The following CFAP20DC variants were observed in gnomAD, a reference collection of about 807,000 sequenced individuals.
The protein encoded by CFAP20DC is CFAP20 domain containing.
A neutral mutation model predicts 101.7 loss-of-function variants in CFAP20DC; 84 were observed. The ratio of observed to expected loss-of-function variants is 0.83; its 90% CI spans 0.69 to 0.99. The LOEUF is 0.99. Among genes scored for constraint, CFAP20DC ranks in the 50% least tolerant of loss-of-function variants. The pLI is 0.00. For missense variants in CFAP20DC, 1,007 were observed against 970.3 expected (o/e 1.04, Z -0.50); for synonymous variants, 359 against 351.2 (o/e 1.02, Z -0.25).
Position 59,049,805 on chromosome 3 carries a change from C to T in CFAP20DC, c.-174G>A. The T allele has an allele frequency of 1.4e-6, 1 of 704,982 alleles. No homozygotes were observed. The highest frequency in any genetic ancestry group is 2.3e-6 in the Non-Finnish European group (1 of 432,210). 43.7% of individuals were successfully genotyped at this position (704,982 alleles called of 1,614,324 possible). A position where few individuals can be genotyped will look rare whatever the true frequency, so the allele number is the denominator to read the frequency against. On this transcript the variant is annotated 5_prime_UTR_variant, in exon 1 of 17. An upstream open reading frame in the 5' UTR loses its in-frame stop. Coordinates refer to ENST00000482387, the MANE Select transcript of CFAP20DC (RefSeq NM_001394063.1). The stretch of plus-strand genomic sequence containing the variant: ...CTTCTCAGCCCCTCCGGCCCCTGGT[C>T]AGCTCCATCTCCCGCCCTCCATCAG...
chr3:58,990,999 G>T (rs2092919762), intron 4 of CFAP20DC, among the ~76,000 whole-genome samples: 1 of 151,978 alleles, frequency 6.6e-6, no homozygotes, highest in African/African-American at 2.4e-5. Context: ...CTTGATAACT[G>T]AAAATATTCT....
rs2093318392 is a variant in CFAP20DC at position 59,001,760 on chromosome 3, G to C, written c.278+37797C>G. 6.6e-6 allele frequency among the ~76,000 whole-genome samples: 1 copy of C among 152,026 alleles called. No individual in the cohort carries two copies. The highest frequency in any genetic ancestry group is 6.6e-5 in the Admixed American group (1 of 15,266). Reference sequence around the variant, plus strand: ...GCACAGACAACCTTTTTCTAATCTCGCAAAAGCAGGGAATTAGCCAGGCAG... The same window carrying C: ...GCACAGACAACCTTTTTCTAATCTCCCAAAAGCAGGGAATTAGCCAGGCAG... On this transcript the variant is annotated intron_variant, in intron 4 of 16. Transcript: ENST00000482387. The surrounding 1 kb of genome is among the most constrained non-coding windows in gnomAD (Gnocchi z 4.5).
At chr3:58,942,503 C>G (rs2088750485) in intron 4 of CFAP20DC, among the ~76,000 whole-genome samples, 1 of 152,140 alleles carries the variant, frequency 6.6e-6, no homozygotes, top group Non-Finnish European at 1.5e-5. Context: ...CCAAAGGAAG[C>G]CGTGAGGGAC....
chr3:58,824,906 C>T (rs915337493), intron 14 of CFAP20DC, among the ~76,000 whole-genome samples: 2 of 151,678 alleles, frequency 1.3e-5, no homozygotes, highest in African/African-American at 4.8e-5. Flanking sequence ...TAAAATCCTC[C>T]TGCCTTAGCC....
chr3:59,030,806 T>C (rs947867787), intron 4 of CFAP20DC, among the ~76,000 whole-genome samples: 1 of 151,310 alleles, frequency 6.6e-6, no homozygotes, highest in African/African-American at 2.4e-5. Context: ...AAGCTTTAAG[T>C]TTTTTTTTGT....
intron 4 of CFAP20DC, among the ~76,000 whole-genome samples, chr3:58,974,837 T>A (rs565811700): frequency 1.2e-4 from 19 of 152,114 alleles, no homozygotes; most frequent in Non-Finnish European, 2.4e-4. Flanking sequence ...GAATATGTTA[T>A]CCAGCCCGCC....
chr3:58,719,892 C>T (rs1007177400), intron 3 of CFAP20DC, among the ~76,000 whole-genome samples: 3 of 152,246 alleles, frequency 2.0e-5, no homozygotes, highest in Non-Finnish European at 4.4e-5. Context: ...CTCTGGCTTT[C>T]CCCTGTCCTC....
rs904303123 is a variant in CFAP20DC, at chr3:58,913,165, G to A, written c.550+543C>T. On this transcript the variant is annotated intron_variant, in intron 6 of 16. Transcript: ENST00000482387. The surrounding 1 kb of genome is among the most constrained non-coding windows in gnomAD (Gnocchi z 4.4). ...AGGGAAGAAAACATCCTACTTTCAG[G>A]GGCTGCTGTAACAGAAATTATGGAA... Among the ~76,000 whole-genome samples, 1 of 152,092 alleles carries A rather than the reference G, an allele frequency of 6.6e-6. No homozygotes were observed. Among genetic ancestry groups the A allele is most frequent in the African/African-American group, 2.4e-5 (1 of 41,418 alleles).
intron 16 of CFAP20DC, among the ~76,000 whole-genome samples, chr3:58,744,498 T>C (rs1467557554): frequency 4.6e-5 from 7 of 152,020 alleles, no homozygotes; most frequent in African/African-American, 1.7e-4. Flanking sequence ...ATAAGTCAGG[T>C]TTGGAAACAA....
intron 4 of CFAP20DC, among the ~76,000 whole-genome samples, chr3:58,942,815 G>T (rs1183905527): frequency 1.3e-5 from 2 of 152,194 alleles, no homozygotes; most frequent in African/African-American, 2.4e-5. Flanking sequence ...AGCAAGCTAA[G>T]ATCCACTGAT....
rs9831138 is a variant in CFAP20DC, at chr3:58,899,015, C to G, written c.551-14306G>C. On this transcript the variant is annotated intron_variant, in intron 6 of 16. Coordinates refer to ENST00000482387, the MANE Select transcript of CFAP20DC (RefSeq NM_001394063.1). This position sits in a 1 kb window ranked among gnomAD's most constrained non-coding sequence, Gnocchi z 5.0. ...GTCTTTTCCCATACCAAGGTTACCA[C>G]CAGTGAAGGCCATGAAACAGCAAAA... 0.053 allele frequency among the ~76,000 whole-genome samples: 8,101 copies of G among 152,110 alleles called. 706 individuals carry two copies. Among genetic ancestry groups the G allele is most frequent in the African/African-American group, 0.18 (7,646 of 41,420 alleles).
intron 7 of CFAP20DC, among the ~76,000 whole-genome samples, chr3:58,883,582 T>C (rs2081380114): frequency 6.6e-6 from 1 of 152,214 alleles, no homozygotes; most frequent in Non-Finnish European, 1.5e-5. Context: ...TTATTATAAG[T>C]ACTTATTTAT....
Position 58,937,587 on chromosome 3 carries a change from C to A in CFAP20DC, c.393+61G>T, listed in dbSNP as rs553296082. ...AAAGTACCTCACATATGGAGTCAGC[C>A]CATAAGTAATATTTGTTGAATTGAA... On this transcript the variant is annotated intron_variant, in intron 5 of 16. Transcript: ENST00000482387. 15 of 1,028,608 alleles carry A rather than the reference C, an allele frequency of 1.5e-5. No individual in the cohort carries two copies. The African/African-American group carries it at 2.2e-4, about 15-fold the overall frequency. 63.7% of individuals were successfully genotyped at this position (1,028,608 alleles called of 1,614,324 possible).
At position 59,046,220 on chromosome 3, in the gene CFAP20DC, A is replaced by T; in HGVS notation, c.205+9T>A. ...AATGTTAAGTTTCAATATTAAAAAT[A>T]TTACTTACGGCTTTGCTTATTCTCC... On this transcript the variant is annotated intron_variant, in intron 3 of 16. Transcript: ENST00000482387. 1 of 1,516,266 alleles carries T rather than the reference A, an allele frequency of 6.6e-7. No homozygotes were observed. The highest frequency in any genetic ancestry group is 8.8e-7 in the Non-Finnish European group (1 of 1,131,548). The allele number at this position is 1,516,266 out of a possible 1,614,324, so 93.9% of individuals were successfully genotyped here.
rs1045462607 is a variant in CFAP20DC, at chr3:58,913,987, T to G, written c.394-123A>C. On this transcript the variant is annotated intron_variant, in intron 5 of 16. Coordinates refer to ENST00000482387, the MANE Select transcript of CFAP20DC (RefSeq NM_001394063.1). This position sits in a 1 kb window ranked among gnomAD's most constrained non-coding sequence, Gnocchi z 4.4. ...TCCTGATCAACAAGCCCCAAACTAA[T>G]TTTCCTCTTTAGGTAAACTTATCTC... 3.3e-5 allele frequency: 33 copies of G among 1,003,000 alleles called. No homozygotes were observed. Among genetic ancestry groups the G allele is most frequent in the Non-Finnish European group, 4.8e-5 (33 of 687,476 alleles). 62.1% of individuals were successfully genotyped at this position (1,003,000 alleles called of 1,614,324 possible).
intron 6 of CFAP20DC, among the ~76,000 whole-genome samples, chr3:58,886,547 C>A (rs951528385): frequency 1.3e-5 from 2 of 151,468 alleles, no homozygotes; most frequent in African/African-American, 4.9e-5. Context: ...CATAGCCATA[C>A]CCCATATATC....
intron 4 of CFAP20DC, among the ~76,000 whole-genome samples, chr3:59,011,754 AG>A (rs1365975713): frequency 1.3e-5 from 2 of 152,136 alleles, no homozygotes; most frequent in Non-Finnish European, 2.9e-5. Flanking sequence ...ATAAAACAGG[AG>A]ATATTACAAC....
At chr3:58,842,833 C>G (rs2077260521) in intron 13 of CFAP20DC, among the ~76,000 whole-genome samples, 1 of 152,228 alleles carries the variant, frequency 6.6e-6, no homozygotes, top group Non-Finnish European at 1.5e-5. Flanking sequence ...GGCAGACTGC[C>G]TCCTCAAGTG....
intron 14 of CFAP20DC, among the ~76,000 whole-genome samples, chr3:58,816,949 C>T (rs989656343): frequency 6.6e-6 from 1 of 152,178 alleles, no homozygotes; most frequent in African/African-American, 2.4e-5. Context: ...ATCTGAGAAC[C>T]AGCAGACTGC....
Sources: allele counts gnomAD v4.1 joint callset (sites outside exome capture counted in the v4.1 genomes callset), GRCh38; gene constraint gnomAD v4.1.1; non-coding constraint Gnocchi (gnomAD v3.1); transcripts MANE v1.5; gene names NCBI Gene and HGNC (gene_info 2026-07-23, HGNC 2026-07-21).